The following MATN2 variants were observed in gnomAD, a reference collection of about 807,000 sequenced individuals.
MATN2 encodes the protein matrilin 2.
In MATN2, 69 loss-of-function variants were observed where a neutral mutation model predicts 103.2. The observed-to-expected ratio is 0.67, with a 90% CI of 0.55 to 0.82. The LOEUF (loss-of-function observed/expected upper bound fraction) is 0.82. Among genes scored for constraint, MATN2 ranks in the 40% least tolerant of loss-of-function variants. MATN2 has a pLI of 0.00. For missense variants in MATN2, 1,023 were observed against 1,211.5 expected, an observed-to-expected ratio of 0.84 and a Z score of 2.31; for synonymous variants, 429 against 450.2, an observed-to-expected ratio of 0.95 and a Z score of 0.60.
At chr8:98,016,696 T>C (rs1020192340) in intron 11 of MATN2, 34 bp downstream of exon 11, 9 of 1,602,364 alleles carry the variant, frequency 5.6e-6, no homozygotes, top group Admixed American at 3.4e-5. Context: ...CCTACTACTA[T>C]GCCAGACCAC....
At chr8:97,957,247 T>C (rs1811173189) in intron 4 of MATN2, among the ~76,000 whole-genome samples, 1 of 152,218 alleles carries the variant, frequency 6.6e-6, no homozygotes, top group African/African-American at 2.4e-5. Flanking sequence ...GGGGGAGCTC[T>C]GGACACAGTG....
In MATN2 at chr8:98,027,534, T is replaced by C. The variant is rs1303786145; in HGVS notation, c.2061T>C (p.Ile687=). The change falls in exon 14 of 19, where the codon ATT becomes ATC. Residue 687 remains isoleucine (I), a synonymous_variant. Coordinates refer to ENST00000254898, the MANE Select transcript of MATN2 (RefSeq NM_002380.5). ...CTGGAATTATAGATTCCTTGACAAT[T>C]TCCCCCAAAGCCGCTCGAGTGGGGC... ...FVTGIIDSLT[I]SPKAARVGLL... 3.7e-6 allele frequency: 6 copies of C among 1,613,772 alleles called. No homozygotes were observed. Among genetic ancestry groups the C allele is most frequent in the African/African-American group, 2.7e-5 (2 of 74,906 alleles).
chr8:97,912,876 T>G (rs1389450453), intron 2 of MATN2, among the ~76,000 whole-genome samples: 1 of 152,166 alleles, frequency 6.6e-6, no homozygotes, highest in Non-Finnish European at 1.5e-5. Flanking sequence ...CCAGGGCCAG[T>G]GCAGGAAACA....
rs139579750 is a variant in MATN2 at position 97,916,058 on chromosome 8, T to G, written c.143-14895T>G. On this transcript the variant is annotated intron_variant, in intron 2 of 18. Coordinates refer to ENST00000254898, the MANE Select transcript of MATN2 (RefSeq NM_002380.5). ...GGCTATGGTTTTTATTTTATTTTAT[T>G]TTATTTTATTTTATTTTATTTTATT... Among the ~76,000 whole-genome samples, 38 of 150,194 alleles carry G rather than the reference T, an allele frequency of 2.5e-4. No homozygotes were observed. The East Asian group carries it at 6.8e-3, about 27-fold the overall frequency.
intron 4 of MATN2, among the ~76,000 whole-genome samples, chr8:97,954,139 A>G (rs1811059643): frequency 6.6e-6 from 1 of 152,144 alleles, no homozygotes; most frequent in Non-Finnish European, 1.5e-5. Flanking sequence ...GTCTGGCTCC[A>G]AAGTCGATAT....
At chr8:97,891,991 C>G (rs1443060207) in intron 2 of MATN2, among the ~76,000 whole-genome samples, 1 of 151,914 alleles carries the variant, frequency 6.6e-6, no homozygotes. Context: ...AATCCCAGCA[C>G]TTTGGGAGGC....
chr8:97,907,830 G>A (rs1033466929), intron 2 of MATN2, among the ~76,000 whole-genome samples: 3 of 152,146 alleles, frequency 2.0e-5, no homozygotes, highest in Admixed American at 6.5e-5. Flanking sequence ...TTTCATTAGC[G>A]CTGTTATTGT....
intron 6 of MATN2, among the ~76,000 whole-genome samples, chr8:97,985,355 C>T (rs1473692325): frequency 2.0e-5 from 3 of 152,200 alleles, no homozygotes; most frequent in Non-Finnish European, 2.9e-5. Flanking sequence ...GACCCAAAAA[C>T]CTCCCATTAA....
chr8:97,935,809 G>T (rs780994769), intron 3 of MATN2, among the ~76,000 whole-genome samples: 5 of 152,204 alleles, frequency 3.3e-5, no homozygotes, highest in African/African-American at 4.8e-5. Flanking sequence ...GAGTTGAGAC[G>T]TGAGCCTAGG....
intron 2 of MATN2, among the ~76,000 whole-genome samples, chr8:97,907,759 G>T (rs749185105): frequency 4.6e-5 from 7 of 152,242 alleles, no homozygotes; most frequent in Non-Finnish European, 8.8e-5. Context: ...GAGTGGTTAT[G>T]AGGATGGAAT....
intron 14 of MATN2, among the ~76,000 whole-genome samples, chr8:98,030,000 G>T (rs1813950659): frequency 6.6e-6 from 1 of 152,158 alleles, no homozygotes; most frequent in Admixed American, 6.5e-5. Context: ...TAGCAGAAGT[G>T]GGCAAAAAGC....
intron 2 of MATN2, among the ~76,000 whole-genome samples, chr8:97,915,068 C>G (rs545250073): frequency 6.6e-6 from 1 of 152,088 alleles, no homozygotes; most frequent in East Asian, 2.0e-4. Flanking sequence ...CTCACGGCAA[C>G]CTTGACCTCT....
chr8:97,960,659 C>T (rs1056031578), intron 4 of MATN2, among the ~76,000 whole-genome samples: 6 of 152,168 alleles, frequency 3.9e-5, no homozygotes, highest in South Asian at 2.1e-4. Flanking sequence ...CCATTTTCCT[C>T]GTTTGTTATT....
chr8:98,025,862 GCTTA>G, intron 13 of MATN2: 1 of 337,392 alleles, frequency 3.0e-6, no homozygotes, highest in Non-Finnish European at 5.8e-6. Flanking sequence ...TTTTATTTCT[GCTTA>G]CTATCGACCA....
chr8:97,989,031 C>T (rs188029671), intron 6 of MATN2, among the ~76,000 whole-genome samples: 60 of 152,254 alleles, frequency 3.9e-4, no homozygotes, highest in Admixed American at 2.8e-3. Flanking sequence ...TCAAAGTTGG[C>T]TTAACATTCA....
chr8:97,922,702 C>G (rs1809851395), intron 2 of MATN2, among the ~76,000 whole-genome samples: 1 of 152,180 alleles, frequency 6.6e-6, no homozygotes, highest in African/African-American at 2.4e-5. Flanking sequence ...TTAAGCTTGC[C>G]TTAGAGCCTG....
At chr8:97,885,886 G>A (rs1586376140) in intron 1 of MATN2, among the ~76,000 whole-genome samples, 1 of 152,162 alleles carries the variant, frequency 6.6e-6, no homozygotes, top group African/African-American at 2.4e-5. Context: ...ACCCCCACCC[G>A]GAATTAGTCC....
At chr8:98,010,413 T>G (rs76523433) in intron 10 of MATN2, among the ~76,000 whole-genome samples, 2 of 152,140 alleles carry the variant, frequency 1.3e-5, no homozygotes, top group Non-Finnish European at 2.9e-5. Context: ...ATCGTGTCGC[T>G]TCTACCCTAG....
chr8:97,901,350 T>G (rs985775662), intron 2 of MATN2, among the ~76,000 whole-genome samples: 2 of 152,138 alleles, frequency 1.3e-5, no homozygotes. Flanking sequence ...CCTTTTGGGT[T>G]CCAGCGATTC....
Sources: gnomAD v4.1 joint callset for allele counts (sites outside exome capture counted in the v4.1 genomes callset) on GRCh38, gnomAD v4.1.1 for gene constraint, MANE v1.5 for transcripts, NCBI Gene and HGNC (gene_info 2026-07-23, HGNC 2026-07-21) for gene names.